Variants in GPC6 observed in about 807,000 individuals in gnomAD.
GPC6 encodes the protein glypican-6.
A neutral mutation model predicts 55.2 loss-of-function variants in GPC6; 14 were observed. That is an observed-to-expected ratio of 0.25 (90% CI 0.17 to 0.40). The LOEUF (loss-of-function observed/expected upper bound fraction) is 0.40. GPC6 is among the 10% of genes least tolerant of loss of function. The pLI, the probability that GPC6 is intolerant of heterozygous loss-of-function variation, is 1.00. For synonymous variants in GPC6, 278 were observed against 259.6 expected (o/e 1.07, Z -0.68); for missense variants, 641 against 708.5 (o/e 0.90, Z 1.08).
At chr13:94,150,423 T>C (rs1273339010) in intron 4 of GPC6, among the ~76,000 whole-genome samples, 1 of 152,102 alleles carries the variant, frequency 6.6e-6, no homozygotes, top group Non-Finnish European at 1.5e-5. Flanking sequence ...CTCAGCTTTT[T>C]AGTGTGTCTT....
intron 2 of GPC6, among the ~76,000 whole-genome samples, chr13:93,611,883 C>A (rs1415804788): frequency 1.3e-5 from 2 of 152,136 alleles, no homozygotes; most frequent in Non-Finnish European, 2.9e-5. Context: ...TAGATCTATT[C>A]TTTATGAGGT....
chr13:93,556,206 A>T (rs16948976), intron 2 of GPC6, among the ~76,000 whole-genome samples: 7,597 of 151,992 alleles, frequency 0.05, 613 homozygotes, highest in African/African-American at 0.17. Context: ...CACAATTATT[A>T]TCCTTTTTCC....
In GPC6 at chr13:93,319,586, A is replaced by G. The variant is rs7982562; in HGVS notation, c.160+91970A>G. ...AGAAGCATTTGAGCATTAAGGGTGT[A>G]TCCTAGAAAATAGAACAAGTAGAAC... On this transcript the variant is annotated intron_variant, in intron 1 of 8. Coordinates refer to ENST00000377047, the MANE Select transcript of GPC6 (RefSeq NM_005708.5). 3.9e-5 allele frequency among the ~76,000 whole-genome samples: 6 copies of G among 152,164 alleles called. No homozygotes were observed. In the South Asian group the frequency reaches 6.2e-4, roughly 16 times the overall value.
intron 1 of GPC6, among the ~76,000 whole-genome samples, chr13:93,485,572 TC>T (rs1175041729): frequency 1.3e-5 from 2 of 152,336 alleles, no homozygotes; most frequent in Admixed American, 6.5e-5. Context: ...TTTCTTGATT[TC>T]GTAGATAATT....
intron 2 of GPC6, among the ~76,000 whole-genome samples, chr13:93,789,509 C>CTATATATATA (rs201331720): frequency 2.6e-4 from 24 of 93,454 alleles, no homozygotes; most frequent in African/African-American, 9.3e-4. Context: ...CTCTCTCTCT[C>CTATATATATA]TATATATATA....
At chr13:93,265,238 GA>G (rs1877284014) in intron 1 of GPC6, among the ~76,000 whole-genome samples, 1 of 152,256 alleles carries the variant, frequency 6.6e-6, no homozygotes, top group Middle Eastern at 3.4e-3. Flanking sequence ...AAACTTTAAA[GA>G]AATCAATGTG....
At chr13:93,224,459 G>T (rs374583908), upstream of GPC6, among the ~76,000 whole-genome samples, 4 of 152,330 alleles carry the variant, frequency 2.6e-5, no homozygotes, top group Admixed American at 6.5e-5. Context: ...CTTCCAAAGT[G>T]CTGGGATTAT....
At chr13:94,307,576 G>T (rs1352340294) in intron 6 of GPC6, among the ~76,000 whole-genome samples, 1 of 152,198 alleles carries the variant, frequency 6.6e-6, no homozygotes, top group Non-Finnish European at 1.5e-5. Flanking sequence ...ACCTCCCAAA[G>T]TGCTGGGATT....
intron 2 of GPC6, among the ~76,000 whole-genome samples, chr13:93,576,253 A>C (rs982523783): frequency 2.6e-5 from 4 of 152,170 alleles, no homozygotes; most frequent in African/African-American, 9.6e-5. Flanking sequence ...AGGTTTTGTG[A>C]GATCTGAAGA....
At chr13:93,971,597 C>T (rs1225228916) in intron 3 of GPC6, among the ~76,000 whole-genome samples, 1 of 152,206 alleles carries the variant, frequency 6.6e-6, no homozygotes, top group African/African-American at 2.4e-5. Flanking sequence ...ATTGAAAATA[C>T]ATCTGTTGAC....
At chr13:93,852,442 T>C (rs1170712042) in intron 3 of GPC6, among the ~76,000 whole-genome samples, 2 of 151,736 alleles carry the variant, frequency 1.3e-5, no homozygotes, top group Non-Finnish European at 2.9e-5. Context: ...GACAACTAAT[T>C]AAAGCCGAAA....
At chr13:94,048,437 A>C (rs1210961078) in intron 4 of GPC6, among the ~76,000 whole-genome samples, 22 of 151,684 alleles carry the variant, frequency 1.5e-4, no homozygotes, top group Admixed American at 1.4e-3. Context: ...CTGACTTGCA[A>C]GTAAAAAAAA....
At chr13:94,208,998 GATATATA>G (rs1889992324) in intron 4 of GPC6, among the ~76,000 whole-genome samples, 1 of 151,888 alleles carries the variant, frequency 6.6e-6, no homozygotes, top group Admixed American at 6.6e-5. Flanking sequence ...CATCATAATT[GATATATA>G]ATATATATTC....
intron 2 of GPC6, among the ~76,000 whole-genome samples, chr13:93,574,688 AC>A (rs1209633183): frequency 6.6e-6 from 1 of 151,902 alleles, no homozygotes; most frequent in Non-Finnish European, 1.5e-5. Flanking sequence ...CACTTCCATT[AC>A]CCCCCAAAAA....
intron 2 of GPC6, among the ~76,000 whole-genome samples, chr13:93,825,860 C>CTTTTTTTTTTTTTTTTTTTTTTTTTT (rs1029574657): frequency 4.0e-5 from 5 of 124,180 alleles, no homozygotes; most frequent in African/African-American, 6.0e-5. Flanking sequence ...TTATTATTTT[C>CTTTTTTTTTTTTTTTTTTTTTTTTTT]TTTTTTTTTT....
At chr13:94,402,199 C>T (rs1352129869) in intron 8 of GPC6, among the ~76,000 whole-genome samples, 2 of 152,122 alleles carry the variant, frequency 1.3e-5, no homozygotes, top group East Asian at 3.9e-4. Context: ...GCTGCTGCTC[C>T]TCTCATTTCC....
intron 4 of GPC6, among the ~76,000 whole-genome samples, chr13:94,132,715 C>T (rs1887043823): frequency 6.6e-6 from 1 of 152,116 alleles, no homozygotes; most frequent in Admixed American, 6.6e-5. Context: ...ATTTAACTGG[C>T]ATGAAGGCCA....
At chr13:93,455,328 T>G (rs1474048482) in intron 1 of GPC6, among the ~76,000 whole-genome samples, 4 of 152,150 alleles carry the variant, frequency 2.6e-5, no homozygotes, top group African/African-American at 7.2e-5. Context: ...CTGTGAGGAC[T>G]GCCAGCACGC....
Position 94,184,539 on chromosome 13 carries a change from T to C in GPC6, c.878-101810T>C, listed in dbSNP as rs1889106662. Among the ~76,000 whole-genome samples the C allele has an allele frequency of 4.6e-5, 7 of 151,804 alleles. No homozygotes were observed. In the South Asian group the frequency reaches 1.5e-3, roughly 32 times the overall value. ...CACAACCAACAAACTTATGAAAAAA[T>C]GCTCATCATCACTAATCATCAGAGA... On this transcript the variant is annotated intron_variant, in intron 4 of 8. Coordinates refer to ENST00000377047, the MANE Select transcript of GPC6 (RefSeq NM_005708.5).
Sources: gnomAD v4.1 joint callset for allele counts (sites outside exome capture counted in the v4.1 genomes callset) on GRCh38, gnomAD v4.1.1 for gene constraint, MANE v1.5 for transcripts, NCBI Gene and HGNC (gene_info 2026-07-23, HGNC 2026-07-21) for gene names.